Variants in GCLC observed in about 807,000 individuals in gnomAD.
GCLC encodes the protein glutamate-cysteine ligase catalytic subunit, also known as glutamate--cysteine ligase catalytic subunit.
Under a neutral mutation model 81.5 loss-of-function variants are expected in GCLC, and 30 were observed. The observed-to-expected ratio is 0.37, with a 90% CI of 0.28 to 0.50. The LOEUF (loss-of-function observed/expected upper bound fraction) is 0.50, where lower values mean the gene tolerates loss of function less well. Among genes scored for constraint, GCLC ranks in the 20% least tolerant of loss-of-function variants. The probability of loss-of-function intolerance (pLI) is 0.96; values close to 1 mark genes in which losing one functional copy is unlikely to be tolerated. For missense variants in GCLC, 556 were observed against 777.4 expected (o/e 0.72, Z 3.39); for synonymous variants, 262 against 273.3 (o/e 0.96, Z 0.41).
chr6:53,517,249 G>GTTTTT (rs201960255), intron 3 of GCLC, among the ~76,000 whole-genome samples: 2 of 73,104 alleles, frequency 2.7e-5, no homozygotes, highest in Non-Finnish European at 2.5e-5. Context: ...ACTGTACCAA[G>GTTTTT]TTTTTTTTTT....
At chr6:53,502,953 G>A (rs1026871731) in intron 12 of GCLC, among the ~76,000 whole-genome samples, 1 of 152,176 alleles carries the variant, frequency 6.6e-6, no homozygotes, top group South Asian at 2.1e-4. Flanking sequence ...TAAAGAGGTA[G>A]TTTTGAAATT....
chr6:53,518,815 C>G (rs975756441), intron 3 of GCLC, among the ~76,000 whole-genome samples: 7 of 152,164 alleles, frequency 4.6e-5, no homozygotes, highest in Non-Finnish European at 8.8e-5. Context: ...ATTAAATTTT[C>G]CAGTTCACTA....
At chr6:53,526,107 C>T (rs1165791185) in intron 1 of GCLC, among the ~76,000 whole-genome samples, 7 of 152,008 alleles carry the variant, frequency 4.6e-5, no homozygotes, top group African/African-American at 1.7e-4. Flanking sequence ...CACTACTATC[C>T]CTGAGCTGTT....
At chr6:53,516,866 G>A (rs17882549) in intron 3 of GCLC, among the ~76,000 whole-genome samples, 1 of 152,132 alleles carries the variant, frequency 6.6e-6, no homozygotes, top group South Asian at 2.1e-4. Context: ...GAAAAATGAA[G>A]CTCCATATTT....
intron 8 of GCLC, 60 bp downstream of exon 8, chr6:53,508,534 TA>T (rs1764665613): frequency 5.1e-6 from 5 of 988,862 alleles, no homozygotes; most frequent in Non-Finnish European, 8.2e-6. Context: ...TGCAAGTAGT[TA>T]CAAAAGATCC....
chr6:53,536,632 G>A (rs1283032734), intron 1 of GCLC, among the ~76,000 whole-genome samples: 2 of 152,162 alleles, frequency 1.3e-5, no homozygotes, highest in Non-Finnish European at 2.9e-5. Context: ...TGCCTTGACA[G>A]TATGTAAAAA....
chr6:53,544,456 A>ACACGGGTGCCCGGCGGGGACGGGGAC (rs1763411606), intron 1 of GCLC, 40 bp downstream of exon 1: 1 of 1,598,186 alleles, frequency 6.3e-7, no homozygotes, highest in Non-Finnish European at 8.5e-7. Flanking sequence ...GGGCGGCCAG[A>ACACGGGTGCCCGGCGGGGACGGGGAC]CACGGGTGCC....
At chr6:53,505,569 C>T in intron 11 of GCLC, 73 bp from the exon 12 acceptor site, 1 of 851,568 alleles carries the variant, frequency 1.2e-6, no homozygotes, top group Admixed American at 1.8e-5. Context: ...CAGGCCCTTC[C>T]TCAGATCATG....
chr6:53,524,790 T>C (rs1250286458), intron 1 of GCLC, among the ~76,000 whole-genome samples: 1 of 152,274 alleles, frequency 6.6e-6, no homozygotes, highest in Non-Finnish European at 1.5e-5. Flanking sequence ...GTAGCAATTA[T>C]ATAAACTAAG....
chr6:53,524,003 C>T (rs1044541362), intron 1 of GCLC: 1 of 152,132 alleles, frequency 6.6e-6, no homozygotes, highest in Non-Finnish European at 1.5e-5. Context: ...TTCGCAACAA[C>T]AATTACAGGT....
At chr6:53,544,436 A>C (rs1763411073) in intron 1 of GCLC, 60 bp downstream of exon 1, 2 of 1,574,942 alleles carry the variant, frequency 1.3e-6, no homozygotes, top group Non-Finnish European at 1.7e-6. Context: ...GGGCAAGACA[A>C]AGGCAGCGCG....
At chr6:53,512,979 G>C (rs1374748820) in intron 6 of GCLC, 1 of 152,130 alleles carries the variant, frequency 6.6e-6, no homozygotes, top group Non-Finnish European at 1.5e-5. Flanking sequence ...GTTAAAAGTC[G>C]AAAGATCTCT....
Position 53,498,661 on chromosome 6 carries a change from T to C in GCLC, c.*95A>G. On this transcript the variant is annotated 3_prime_UTR_variant, in exon 16 of 16. Coordinates refer to ENST00000650454, the MANE Select transcript of GCLC (RefSeq NM_001498.4). ...ACTGGCCCAGAAAACAGTACAGTTC[T>C]ATCATTTGGTCTTCATATTATACAC... is the stretch of plus-strand genomic sequence containing the variant. The C allele has an allele frequency of 1.2e-6, 1 of 834,520 alleles. No homozygotes were observed. Among genetic ancestry groups the C allele is most frequent in the Non-Finnish European group, 2.1e-6 (1 of 477,106 alleles). 51.7% of individuals were successfully genotyped at this position (834,520 alleles called of 1,614,324 possible).
chr6:53,503,077 G>A (rs369783057), intron 12 of GCLC: 2 of 152,052 alleles, frequency 1.3e-5, no homozygotes, highest in East Asian at 1.9e-4. Flanking sequence ...ATACACTGAC[G>A]CCTAATGCCC....
At position 53,509,150 on chromosome 6, in the gene GCLC, T is replaced by G. The variant is rs745922061; in HGVS notation, c.828+26A>C. 6.0e-5 allele frequency: 81 copies of G among 1,343,552 alleles called. No individual in the cohort carries two copies. The East Asian group carries it at 1.8e-3, about 29-fold the overall frequency. 83.2% of individuals were successfully genotyped at this position (1,343,552 alleles called of 1,614,324 possible). ...ATCTTATTTCATACGAAGTAGTATT[T>G]AAAATAAGAGGTAATTTCTACTTAC... On this transcript the variant is annotated intron_variant, in intron 7 of 15. Coordinates refer to ENST00000650454, the MANE Select transcript of GCLC (RefSeq NM_001498.4).
chr6:53,516,055 G>T (rs948688172), intron 4 of GCLC, 54 bp downstream of exon 4: 7 of 1,010,320 alleles, frequency 6.9e-6, no homozygotes, highest in Non-Finnish European at 1.1e-5. Flanking sequence ...TATACTCTCA[G>T]AAGTCAGGGG....
chr6:53,514,335 A>T lies in GCLC; in HGVS notation c.622T>A (p.Phe208Ile), dbSNP rs373494560. ...GEKVVINVPI[F>I]KDKNTPSPFI... is the part of the protein sequence containing the mutation. Reference sequence around the variant, plus strand: ...GGAGATGGTGTATTCTTGTCCTTAAATACTGTATTATAAAAATACAAAAAT... The same window carrying T: ...GGAGATGGTGTATTCTTGTCCTTAATTACTGTATTATAAAAATACAAAAAT... Residue 208 changes from phenylalanine (F) to isoleucine (I), a missense_variant and splice_region_variant, in exon 6 of 16, where the codon TTT (phenylalanine) becomes ATT (isoleucine). Physicochemically the swap from Phe to Ile is conservative, Grantham distance 21 (BLOSUM62 0). Transcript: ENST00000650454. The T allele has an allele frequency of 5.0e-6, 8 of 1,587,894 alleles. No homozygotes were observed. The highest frequency in any genetic ancestry group is 6.9e-6 in the Non-Finnish European group (8 of 1,156,316).
chr6:53,500,535 G>A (rs1361112447), intron 12 of GCLC, 22 bp from the exon 13 acceptor site: 6 of 1,519,252 alleles, frequency 3.9e-6, no homozygotes, highest in Non-Finnish European at 4.6e-6. Context: ...AAAGAATCAC[G>A]ACTAAGTCAA....
chr6:53,544,470 CG>C, intron 1 of GCLC, 25 bp downstream of exon 1: 1 of 1,602,678 alleles, frequency 6.2e-7, no homozygotes. Flanking sequence ...GGGTGCCCGG[CG>C]GGGACGGGGA....
Sources: allele counts gnomAD v4.1 joint callset (sites outside exome capture counted in the v4.1 genomes callset), GRCh38; gene constraint gnomAD v4.1.1; transcripts MANE v1.5; gene names NCBI Gene and HGNC (gene_info 2026-07-23, HGNC 2026-07-21).